EIF4ENIF1: variants seen among roughly 807,000 people sequenced by gnomAD.
EIF4ENIF1 encodes the protein eukaryotic translation initiation factor 4E transporter.
A neutral mutation model predicts 110.5 loss-of-function variants in EIF4ENIF1; 23 were observed. That is an observed-to-expected ratio of 0.21 (90% CI 0.15 to 0.29). The LOEUF (loss-of-function observed/expected upper bound fraction) is 0.29, where lower values mean the gene tolerates loss of function less well. EIF4ENIF1 is among the 10% of genes least tolerant of loss of function. The probability of loss-of-function intolerance (pLI) is 1.00; values close to 1 mark genes in which losing one functional copy is unlikely to be tolerated. For synonymous variants in EIF4ENIF1, 440 were observed against 437.0 expected (o/e 1.01, Z -0.09); for missense variants, 1,031 against 1,221.1 (o/e 0.84, Z 2.32).
At chr22:31,438,582 A>G (rs1444245654), downstream of EIF4ENIF1, among the ~76,000 whole-genome samples, 4 of 152,168 alleles carry the variant, frequency 2.6e-5, no homozygotes. Context: ...AATCTTGGAA[A>G]TTACACTATA....
intron 4 of EIF4ENIF1, among the ~76,000 whole-genome samples, chr22:31,465,861 T>C (rs2146002016): frequency 6.6e-6 from 1 of 152,350 alleles, no homozygotes; most frequent in South Asian, 2.1e-4. Context: ...CTCAACAACG[T>C]GGATAAATCG....
At chr22:31,450,831 C>T (rs905898539) in intron 10 of EIF4ENIF1, 3 of 151,746 alleles carry the variant, frequency 2.0e-5, no homozygotes, top group South Asian at 1.5e-4. Flanking sequence ...TACATACACA[C>T]ATATATATAT....
intron 2 of EIF4ENIF1, among the ~76,000 whole-genome samples, chr22:31,481,732 T>A (rs2051823656): frequency 6.6e-6 from 1 of 152,114 alleles, no homozygotes; most frequent in Non-Finnish European, 1.5e-5. Context: ...TTCCTGATTG[T>A]TTTAAAGGAA....
At chr22:31,480,335 C>T (rs1462779657) in intron 2 of EIF4ENIF1, among the ~76,000 whole-genome samples, 1 of 152,198 alleles carries the variant, frequency 6.6e-6, no homozygotes, top group Non-Finnish European at 1.5e-5. Flanking sequence ...CCCAAAAGAA[C>T]AATGGTTAAA....
intron 2 of EIF4ENIF1, among the ~76,000 whole-genome samples, chr22:31,482,071 T>C (rs1601651853): frequency 6.6e-6 from 1 of 151,494 alleles, no homozygotes; most frequent in South Asian, 2.1e-4. Context: ...CTCAGGAGGC[T>C]GAGGTGGAAG....
At chr22:31,487,793 CAAAA>C (rs35367724) in intron 2 of EIF4ENIF1, among the ~76,000 whole-genome samples, 4 of 68,994 alleles carry the variant, frequency 5.8e-5, no homozygotes, top group Admixed American at 1.7e-4. Context: ...CTGTCGGGTG[CAAAA>C]AAAAAAAAAA....
upstream of EIF4ENIF1, among the ~76,000 whole-genome samples, chr22:31,490,126 C>T (rs993609328): frequency 3.3e-5 from 5 of 152,220 alleles, no homozygotes; most frequent in African/African-American, 1.2e-4. Context: ...GAGGCCACCG[C>T]CGCCGCGTTC....
intron 7 of EIF4ENIF1, among the ~76,000 whole-genome samples, chr22:31,456,440 G>T (rs760483168): frequency 6.4e-4 from 98 of 151,948 alleles, no homozygotes; most frequent in Admixed American, 2.0e-3. Context: ...AGCCAGGATG[G>T]TCTCGATCTC....
At chr22:31,470,373 C>T (rs1472034680) in intron 3 of EIF4ENIF1, among the ~76,000 whole-genome samples, 14 of 151,116 alleles carry the variant, frequency 9.3e-5, no homozygotes, top group African/African-American at 2.7e-4. Flanking sequence ...CTCCACCTCC[C>T]GGGTTCAAGC....
At chr22:31,462,066 T>A (rs1281738814) in intron 6 of EIF4ENIF1, among the ~76,000 whole-genome samples, 1 of 152,156 alleles carries the variant, frequency 6.6e-6, no homozygotes, top group Non-Finnish European at 1.5e-5. Context: ...CGTTTCTTAT[T>A]TCTGGGGAAC....
chr22:31,452,922 A>G (rs2050717337), intron 10 of EIF4ENIF1, among the ~76,000 whole-genome samples: 1 of 152,198 alleles, frequency 6.6e-6, no homozygotes, highest in African/African-American at 2.4e-5. Context: ...TATTGGTCAG[A>G]TAAGGAATGC....
chr22:31,442,746 T>TA (rs1421094579), intron 16 of EIF4ENIF1, among the ~76,000 whole-genome samples: 1 of 152,180 alleles, frequency 6.6e-6, no homozygotes, highest in Non-Finnish European at 1.5e-5. Flanking sequence ...GTAGCACTCT[T>TA]AGATTGGTCA....
At chr22:31,486,098 T>C (rs1051449732) in intron 2 of EIF4ENIF1, among the ~76,000 whole-genome samples, 13 of 151,234 alleles carry the variant, frequency 8.6e-5, no homozygotes, top group East Asian at 3.9e-4. Flanking sequence ...GGCAAAACCC[T>C]GTCTCTACTA....
At chr22:31,462,498 G>C (rs1601603417) in intron 6 of EIF4ENIF1, among the ~76,000 whole-genome samples, 1 of 145,178 alleles carries the variant, frequency 6.9e-6, no homozygotes, top group South Asian at 2.2e-4. Context: ...AAAAAAAAAA[G>C]ATTTCAAAAT....
intron 2 of EIF4ENIF1, among the ~76,000 whole-genome samples, chr22:31,472,457 C>T (rs915432100): frequency 1.1e-4 from 17 of 152,148 alleles, no homozygotes; most frequent in East Asian, 9.7e-4. Context: ...TTAGTAGAGA[C>T]GGGGTTTTGC....
At chr22:31,468,152 C>A in intron 4 of EIF4ENIF1, 23 bp downstream of exon 4, 1 of 1,610,362 alleles carries the variant, frequency 6.2e-7, no homozygotes, top group South Asian at 1.1e-5. Flanking sequence ...ACTAACCCCA[C>A]TTCTGAGTGA....
intron 7 of EIF4ENIF1, among the ~76,000 whole-genome samples, chr22:31,457,369 C>T (rs1262002249): frequency 6.6e-6 from 1 of 152,144 alleles, no homozygotes; most frequent in Non-Finnish European, 1.5e-5. Flanking sequence ...TCAAATCATA[C>T]CATAAATTCA....
chr22:31,484,971 T>TA (rs984697369), intron 2 of EIF4ENIF1, among the ~76,000 whole-genome samples: 1 of 152,238 alleles, frequency 6.6e-6, no homozygotes, highest in Non-Finnish European at 1.5e-5. Context: ...AAGGATGGTT[T>TA]GAATATTATT....
chr22:31,437,450 T>TCCCCCCC (rs368145036), downstream of EIF4ENIF1: 150 of 124,980 alleles, frequency 1.2e-3, no homozygotes, highest in South Asian at 1.4e-3. Flanking sequence ...TTTGCCTTCA[T>TCCCCCCC]CCCCCCCCCA....
Sources: gnomAD v4.1 joint callset for allele counts (sites outside exome capture counted in the v4.1 genomes callset) on GRCh38, gnomAD v4.1.1 for gene constraint, MANE v1.5 for transcripts, NCBI Gene and HGNC (gene_info 2026-07-23, HGNC 2026-07-21) for gene names.